IKZF2: variants seen among roughly 807,000 people sequenced by gnomAD.
IKZF2 encodes zinc finger protein Helios.
A neutral mutation model predicts 49.2 loss-of-function variants in IKZF2; 15 were observed. That is an observed-to-expected ratio of 0.30 (90% confidence interval 0.20 to 0.47). The LOEUF (loss-of-function observed/expected upper bound fraction) is 0.47, where lower values mean the gene tolerates loss of function less well. Among genes scored for constraint, IKZF2 ranks in the 20% least tolerant of loss-of-function variants. The probability of loss-of-function intolerance (pLI) is 1.00; values close to 1 mark genes in which losing one functional copy is unlikely to be tolerated. For missense variants in IKZF2, 567 were observed against 664.6 expected, an observed-to-expected ratio of 0.85 and a Z score of 1.61; for synonymous variants, 227 against 221.4, an observed-to-expected ratio of 1.03 and a Z score of -0.23.
At chr2:213,105,132 C>T (rs1169875492) in intron 4 of IKZF2, among the ~76,000 whole-genome samples, 1 of 152,086 alleles carries the variant, frequency 6.6e-6, no homozygotes, top group East Asian at 1.9e-4. Flanking sequence ...AATGCTTTGA[C>T]TGCTTCTTTC....
chr2:213,092,791 C>T (rs1705501159), intron 4 of IKZF2, among the ~76,000 whole-genome samples: 1 of 152,164 alleles, frequency 6.6e-6, no homozygotes, highest in Non-Finnish European at 1.5e-5. Context: ...CCCTTTCTGT[C>T]CTCAATGTAA....
intron 2 of IKZF2, among the ~76,000 whole-genome samples, chr2:213,149,248 TA>T (rs748518136): frequency 6.6e-6 from 1 of 152,198 alleles, no homozygotes; most frequent in Non-Finnish European, 1.5e-5. Context: ...AATGTAACCT[TA>T]ATTTCCTGCC....
intron 4 of IKZF2, among the ~76,000 whole-genome samples, chr2:213,072,981 T>C (rs1052738691): frequency 6.6e-5 from 10 of 152,136 alleles, no homozygotes; most frequent in Admixed American, 2.0e-4. Flanking sequence ...CATTTAATAA[T>C]GCATAAATTC....
chr2:213,098,844 G>C (rs763072148), intron 4 of IKZF2, among the ~76,000 whole-genome samples: 2 of 152,234 alleles, frequency 1.3e-5, no homozygotes, highest in East Asian at 1.9e-4. Flanking sequence ...TTGTCATTCT[G>C]CTGGAGCTAG....
chr2:213,016,082 A>G (rs1166276465), intron 7 of IKZF2, among the ~76,000 whole-genome samples: 2 of 152,134 alleles, frequency 1.3e-5, no homozygotes, highest in Admixed American at 6.6e-5. Context: ...CTACTTTACA[A>G]TAGCCCTTTT....
chr2:213,043,803 T>C (rs12624170), intron 6 of IKZF2, among the ~76,000 whole-genome samples: 88,252 of 152,050 alleles, frequency 0.58, 26,527 homozygotes, highest in East Asian at 0.77. Flanking sequence ...GCTTGCTCAC[T>C]GCTGCTCACC....
At chr2:213,138,739 T>C (rs2060765798) in intron 4 of IKZF2, among the ~76,000 whole-genome samples, 2 of 152,038 alleles carry the variant, frequency 1.3e-5, no homozygotes, top group South Asian at 4.1e-4. Context: ...ACTCAGTAAT[T>C]AAGACAGCTT....
intron 4 of IKZF2, among the ~76,000 whole-genome samples, chr2:213,081,802 G>A (rs1369869863): frequency 6.6e-6 from 1 of 152,108 alleles, no homozygotes; most frequent in Non-Finnish European, 1.5e-5. Flanking sequence ...AGGTACCAAG[G>A]TCAGACCAGA....
intron 4 of IKZF2, among the ~76,000 whole-genome samples, chr2:213,100,473 A>T (rs1329646840): frequency 6.6e-6 from 1 of 152,066 alleles, no homozygotes; most frequent in African/African-American, 2.4e-5. Flanking sequence ...CAAACTAGGT[A>T]TGAATTTTAA....
rs547474500 is a variant in IKZF2, at chr2:213,007,227, G to A, written c.*133C>T. On this transcript the variant is annotated 3_prime_UTR_variant, in exon 9 of 9. Transcript: ENST00000434687. ...AAATGACACTGCCTCCACAAAATAAGAATTATCAACAGTAATAATATTAAA... is the reference window on the plus strand; with the variant it reads ...AAATGACACTGCCTCCACAAAATAAAAATTATCAACAGTAATAATATTAAA... 1 of 970,110 alleles carries A rather than the reference G, an allele frequency of 1.0e-6. No individual in the cohort carries two copies. Among genetic ancestry groups the A allele is most frequent in the South Asian group, 1.9e-5 (1 of 52,428 alleles). The allele number at this position is 970,110 out of a possible 1,614,324, so 60.1% of individuals were successfully genotyped here. A position where few individuals can be genotyped will look rare whatever the true frequency, so the allele number is the denominator to read the frequency against.
intron 8 of IKZF2, among the ~76,000 whole-genome samples, chr2:213,011,039 T>C (rs1282558694): frequency 6.6e-6 from 1 of 152,012 alleles, no homozygotes; most frequent in Non-Finnish European, 1.5e-5. Flanking sequence ...TATTCAATAG[T>C]GGCAGATACT....
chr2:213,069,882 C>A (rs1702523689), intron 4 of IKZF2, among the ~76,000 whole-genome samples: 1 of 152,054 alleles, frequency 6.6e-6, no homozygotes, highest in South Asian at 2.1e-4. Context: ...CTGACACTAT[C>A]AGCTGAATTA....
chr2:213,081,707 G>A (rs1703973521), intron 4 of IKZF2, among the ~76,000 whole-genome samples: 1 of 152,124 alleles, frequency 6.6e-6, no homozygotes, highest in South Asian at 2.1e-4. Flanking sequence ...TGATCATCAG[G>A]TACCAGTCAT....
At chr2:213,107,305 G>T (rs58537370) in intron 4 of IKZF2, among the ~76,000 whole-genome samples, 1 of 152,134 alleles carries the variant, frequency 6.6e-6, no homozygotes, top group Non-Finnish European at 1.5e-5. Context: ...TCTTGGGCAA[G>T]GTTTATCACA....
At chr2:213,080,610 A>G (rs975376031) in intron 4 of IKZF2, among the ~76,000 whole-genome samples, 5 of 152,222 alleles carry the variant, frequency 3.3e-5, no homozygotes, top group Admixed American at 2.6e-4. Context: ...AATAAATGAG[A>G]ACTAAATGTT....
chr2:213,055,621 C>A (rs2125373475), intron 5 of IKZF2, among the ~76,000 whole-genome samples: 1 of 152,008 alleles, frequency 6.6e-6, no homozygotes, highest in East Asian at 1.9e-4. Context: ...ATAATAAATT[C>A]TTGGTATACT....
intron 4 of IKZF2, among the ~76,000 whole-genome samples, chr2:213,128,058 G>A (rs2060327445): frequency 6.6e-6 from 1 of 152,090 alleles, no homozygotes; most frequent in Non-Finnish European, 1.5e-5. Context: ...TTGTGAAATG[G>A]TGAAATGTGA....
At chr2:213,040,537 A>G (rs1036309958) in intron 6 of IKZF2, among the ~76,000 whole-genome samples, 3 of 152,108 alleles carry the variant, frequency 2.0e-5, no homozygotes, top group Admixed American at 2.0e-4. Context: ...TATACCTGAA[A>G]TGCTAATTAG....
intron 2 of IKZF2, among the ~76,000 whole-genome samples, chr2:213,149,347 A>AT (rs2061191690): frequency 6.7e-6 from 1 of 149,046 alleles, no homozygotes; most frequent in African/African-American, 2.5e-5. Flanking sequence ...AGAGAGAATC[A>AT]TTTAAAAAAA....
Sources: gnomAD v4.1 joint callset for allele counts (sites outside exome capture counted in the v4.1 genomes callset) on GRCh38, gnomAD v4.1.1 for gene constraint, MANE v1.5 for transcripts, NCBI Gene and HGNC (gene_info 2026-07-23, HGNC 2026-07-21) for gene names.